FARP1: variants seen among roughly 807,000 people sequenced by gnomAD.
FARP1 encodes FERM, ARH/RhoGEF and pleckstrin domain protein 1.
A neutral mutation model predicts 128.8 loss-of-function variants in FARP1; 52 were observed. The ratio of observed to expected loss-of-function variants is 0.40; its 90% CI spans 0.32 to 0.51. The LOEUF (loss-of-function observed/expected upper bound fraction) is 0.51, where lower values mean the gene tolerates loss of function less well. Among genes scored for constraint, FARP1 ranks in the 20% least tolerant of loss-of-function variants. FARP1 has a pLI of 0.45. For synonymous variants in FARP1, 580 were observed against 551.8 expected (o/e 1.05, Z -0.72); for missense variants, 1,333 against 1,367.9 (o/e 0.97, Z 0.40).
rs183770942 is a variant in FARP1 at position 98,149,980 on chromosome 13, G to A, written c.-24+6488G>A. ...TCTCGATCTCCTGACCTTGTGATCC[G>A]CCTGCCTAGGCCTCCCAAAGTGCTG... On this transcript the variant is annotated intron_variant, in intron 1 of 26. Transcript: ENST00000319562. Among the ~76,000 whole-genome samples, 442 of 151,414 alleles carry A rather than the reference G, an allele frequency of 2.9e-3. 3 individuals are homozygous for A. Among genetic ancestry groups the A allele is most frequent in the Non-Finnish European group, 4.8e-3 (325 of 67,864 alleles).
intron 1 of FARP1, among the ~76,000 whole-genome samples, chr13:98,145,177 TCTTA>T (rs904987067): frequency 5.3e-5 from 8 of 152,274 alleles, no homozygotes; most frequent in South Asian, 2.1e-4. Context: ...TCCCAGAATC[TCTTA>T]CTTGTTTCTT....
intron 2 of FARP1, among the ~76,000 whole-genome samples, chr13:98,269,761 CG>C (rs1404160812): frequency 6.6e-6 from 1 of 152,062 alleles, no homozygotes; most frequent in Non-Finnish European, 1.5e-5. Context: ...AGTGAGTGGT[CG>C]GGGGGTGTCA....
chr13:98,383,266 C>T (rs1023686543), intron 6 of FARP1, among the ~76,000 whole-genome samples: 1 of 152,166 alleles, frequency 6.6e-6, no homozygotes, highest in African/African-American at 2.4e-5. Flanking sequence ...TATGACCAGG[C>T]GTGCCCCCAT....
At chr13:98,374,488 A>C (rs1889493126) in intron 5 of FARP1, among the ~76,000 whole-genome samples, 1 of 152,184 alleles carries the variant, frequency 6.6e-6, no homozygotes, top group African/African-American at 2.4e-5. Flanking sequence ...TATTGCATCT[A>C]GTTAGTATGT....
At chr13:98,310,566 G>C (rs1026803205) in intron 2 of FARP1, among the ~76,000 whole-genome samples, 7 of 152,174 alleles carry the variant, frequency 4.6e-5, no homozygotes, top group Non-Finnish European at 8.8e-5. Flanking sequence ...TGGAGGTTTC[G>C]AGTTGACATT....
At chr13:98,431,921 T>C (rs1441591472) in intron 18 of FARP1, 20 of 152,370 alleles carry the variant, frequency 1.3e-4, no homozygotes, top group Admixed American at 8.5e-4. Flanking sequence ...AGCTTGCTTC[T>C]ACCCACGTGA....
intron 1 of FARP1, among the ~76,000 whole-genome samples, chr13:98,178,453 C>T (rs1566706112): frequency 6.6e-6 from 1 of 152,164 alleles, no homozygotes; most frequent in Admixed American, 6.5e-5. Flanking sequence ...ACCTTGGCCT[C>T]CTAAAATGTT....
intron 17 of FARP1, among the ~76,000 whole-genome samples, chr13:98,427,043 A>G (rs928118625): frequency 6.6e-6 from 1 of 151,918 alleles, no homozygotes; most frequent in African/African-American, 2.4e-5. Context: ...TGATGAACCA[A>G]TACTGACAAG....
intron 2 of FARP1, among the ~76,000 whole-genome samples, chr13:98,235,581 G>A (rs1882364210): frequency 6.6e-6 from 1 of 152,110 alleles, no homozygotes; most frequent in Non-Finnish European, 1.5e-5. Context: ...CTTAGAGTGG[G>A]TGGGATGTCA....
chr13:98,441,628 G>A (rs1892528229), intron 24 of FARP1, among the ~76,000 whole-genome samples: 1 of 152,220 alleles, frequency 6.6e-6, no homozygotes, highest in Admixed American at 6.5e-5. Context: ...CACCAGGTGG[G>A]CCAGGGAGTA....
chr13:98,151,660 C>CTTTTTTTTTTTT (rs34250002), intron 1 of FARP1, among the ~76,000 whole-genome samples: 12,665 of 68,780 alleles, frequency 0.18, 4,111 homozygotes, highest in East Asian at 0.38. Flanking sequence ...TATCTTCCAT[C>CTTTTTTTTTTTT]TTTTTTTTTT....
chr13:98,291,676 G>A (rs1885453542), intron 2 of FARP1, among the ~76,000 whole-genome samples: 1 of 152,140 alleles, frequency 6.6e-6, no homozygotes, highest in Non-Finnish European at 1.5e-5. Context: ...GTCACTCCTT[G>A]TACTCCCAAC....
chr13:98,184,950 G>T (rs1344483469), intron 1 of FARP1, among the ~76,000 whole-genome samples: 1 of 152,182 alleles, frequency 6.6e-6, no homozygotes, highest in Non-Finnish European at 1.5e-5. Flanking sequence ...CATAGAGTTT[G>T]CCAGTTTCCG....
chr13:98,315,954 T>C (rs1265394392), intron 2 of FARP1, among the ~76,000 whole-genome samples: 2 of 152,202 alleles, frequency 1.3e-5, no homozygotes, highest in African/African-American at 4.8e-5. Context: ...TGTTCAGGCC[T>C]CTCCCTCCTA....
At chr13:98,147,099 G>GAA (rs771364974) in intron 1 of FARP1, among the ~76,000 whole-genome samples, 7 of 152,172 alleles carry the variant, frequency 4.6e-5, no homozygotes, top group Non-Finnish European at 8.8e-5. Context: ...GAAGCCCCCA[G>GAA]AAAACGTGTA....
Position 98,385,576 on chromosome 13 carries a change from G to T in FARP1, c.612-91G>T, listed in dbSNP as rs16955455. On this transcript the variant is annotated intron_variant, in intron 7 of 26. Transcript: ENST00000319562. ...CCAGTGTTTGTGATGAAATGCCTTT[G>T]TATTTCCCAGGAGAAGCTTCTTAAT... The T allele has an allele frequency of 0.016, 23,182 of 1,422,528 alleles. 1,697 individuals are homozygous for T. In the African/African-American group the frequency reaches 0.21, roughly 13 times the overall value. The allele number at this position is 1,422,528 out of a possible 1,614,324, so 88.1% of individuals were successfully genotyped here. A position where few individuals can be genotyped will look rare whatever the true frequency, so the allele number is the denominator to read the frequency against.
At chr13:98,234,008 C>T (rs1224530211) in intron 2 of FARP1, 1 of 152,250 alleles carries the variant, frequency 6.6e-6, no homozygotes, top group African/African-American at 2.4e-5. Context: ...GGTTTCTTCT[C>T]CAATCAGGAA....
chr13:98,318,806 G>A (rs1886856661), intron 2 of FARP1, among the ~76,000 whole-genome samples: 1 of 152,176 alleles, frequency 6.6e-6, no homozygotes, highest in Non-Finnish European at 1.5e-5. Context: ...TAGGCAATGG[G>A]GCTGCCCTCA....
chr13:98,435,630 A>T lies in FARP1; in HGVS notation c.2198A>T (p.Lys733Met). ...MVAQLHGTMI[K>M]MENFQKLHEL... ...GCACAGCTCCACGGTACGATGATCA[A>T]GATGGAGAATTTCCAGAAGCTGCAC... Residue 733 changes from lysine to methionine, a missense_variant, in exon 19 of 27, where the codon AAG becomes ATG. Transcript: ENST00000319562. 6.2e-7 allele frequency: 1 copy of T among 1,614,096 alleles called. No individual in the cohort carries two copies. Among genetic ancestry groups the T allele is most frequent in the Non-Finnish European group, 8.5e-7 (1 of 1,179,988 alleles).
Sources: allele counts gnomAD v4.1 joint callset (sites outside exome capture counted in the v4.1 genomes callset), GRCh38; gene constraint gnomAD v4.1.1; transcripts MANE v1.5; gene names NCBI Gene and HGNC (gene_info 2026-07-23, HGNC 2026-07-21).